The following PEX1 variants were observed in gnomAD, a reference collection of about 807,000 sequenced individuals.
PEX1 encodes the protein peroxisomal ATPase PEX1.
A neutral mutation model predicts 152.5 loss-of-function variants in PEX1; 97 were observed. The ratio of observed to expected loss-of-function variants is 0.64; its 90% CI spans 0.54 to 0.75. The LOEUF (loss-of-function observed/expected upper bound fraction) is 0.75, where lower values mean the gene tolerates loss of function less well. PEX1 is among the 30% of genes least tolerant of loss of function. The pLI, the probability that PEX1 is intolerant of heterozygous loss-of-function variation, is 0.00. For missense variants in PEX1, 1,357 were observed against 1,516.3 expected (o/e 0.89, Z 1.74); for synonymous variants, 485 against 531.6 (o/e 0.91, Z 1.21).
At chr7:92,524,418 C>T (rs775695536) in intron 1 of PEX1, among the ~76,000 whole-genome samples, 55 of 152,108 alleles carry the variant, frequency 3.6e-4, no homozygotes, top group Admixed American at 3.3e-4. Flanking sequence ...CAGGCCCCCA[C>T]CAAATGCCCG....
rs1271298228 is a variant in PEX1 at position 92,517,859 on chromosome 7, T to C, written c.656A>G (p.Gln219Arg). 1 of 1,541,940 alleles carries C rather than the reference T, an allele frequency of 6.5e-7. No individual in the cohort carries two copies. The highest frequency in any genetic ancestry group is 1.3e-5 in the South Asian group (1 of 76,334). The change falls in exon 5 of 24, where the codon CAG (glutamine) becomes CGG (arginine). Residue 219 changes from glutamine (Q) to arginine (R), a missense_variant. Coordinates refer to ENST00000248633, the MANE Select transcript of PEX1 (RefSeq NM_000466.3). ...MMKELQTKQL[Q>R]SNTVGITESN... The stretch of plus-strand genomic sequence containing the variant: ...TTCAGTGATTCCCACAGTATTTGAC[T>C]GAAGTTGCTTGGTTTGAAGTTCTTT...
At position 92,501,612 on chromosome 7, in the gene PEX1, C is replaced by CAAAGACGCAGGAAG. The variant is rs1463323645; in HGVS notation, c.2464_2477dup (p.Leu826PhefsTer70). ...TAGGTTTATGCAGGTTGACACTTCG[C>CAAAGACGCAGGAAG]AAAGACGCAGGAAGAAATCCGCGGA... On this transcript the variant is annotated frameshift_variant, in exon 15 of 24. Coordinates refer to ENST00000248633, the MANE Select transcript of PEX1 (RefSeq NM_000466.3). LOFTEE classifies it high-confidence loss of function. 5.6e-6 allele frequency: 9 copies of CAAAGACGCAGGAAG among 1,613,880 alleles called. No individual in the cohort carries two copies. The highest frequency in any genetic ancestry group is 7.6e-6 in the Non-Finnish European group (9 of 1,179,878).
chr7:92,487,957 T>C (rs140206736), intron 23 of PEX1, among the ~76,000 whole-genome samples: 18 of 152,272 alleles, frequency 1.2e-4, no homozygotes, highest in African/African-American at 3.8e-4. Context: ...CCTTAAAAAA[T>C]GTGAGCTCCC....
chr7:92,522,496 C>A (rs1276797070), intron 1 of PEX1, among the ~76,000 whole-genome samples: 2 of 152,150 alleles, frequency 1.3e-5, no homozygotes, highest in African/African-American at 4.8e-5. Context: ...CTTCAGAATT[C>A]AAAATGGCAG....
intron 21 of PEX1, among the ~76,000 whole-genome samples, chr7:92,490,611 G>T (rs1791243706): frequency 7.2e-6 from 1 of 139,660 alleles, no homozygotes; most frequent in Non-Finnish European, 1.5e-5. Flanking sequence ...CTCTAGTCTG[G>T]ATGATAGAGT....
intron 1 of PEX1, among the ~76,000 whole-genome samples, chr7:92,524,783 G>C (rs1346947297): frequency 2.0e-5 from 3 of 152,070 alleles, no homozygotes; most frequent in Non-Finnish European, 4.4e-5. Flanking sequence ...GCCTAGATTT[G>C]GAATCAAAAG....
At chr7:92,498,680 T>C (rs1278278852) in intron 16 of PEX1, among the ~76,000 whole-genome samples, 1 of 152,096 alleles carries the variant, frequency 6.6e-6, no homozygotes, top group African/African-American at 2.4e-5. Context: ...ACACCAGTGG[T>C]GGACTGTGAA....
At chr7:92,512,641 C>T (rs1045596326) in intron 6 of PEX1, among the ~76,000 whole-genome samples, 4 of 151,440 alleles carry the variant, frequency 2.6e-5, no homozygotes, top group African/African-American at 9.7e-5. Context: ...ACAGGATTAG[C>T]ACCACGCCCC....
chr7:92,500,594 T>C (rs1791880241), intron 15 of PEX1, among the ~76,000 whole-genome samples: 2 of 152,238 alleles, frequency 1.3e-5, no homozygotes, highest in South Asian at 4.1e-4. Context: ...CCATGTTCTC[T>C]CACACTGGTT....
intron 16 of PEX1, among the ~76,000 whole-genome samples, chr7:92,497,141 G>C (rs1284546102): frequency 6.6e-6 from 1 of 152,094 alleles, no homozygotes; most frequent in South Asian, 2.1e-4. Context: ...ACCACCATCT[G>C]ACAGTGAATT....
chr7:92,522,346 TTCTATAGATAGTTC>T, intron 1 of PEX1, 101 bp from the exon 2 acceptor site: 2 of 1,141,964 alleles, frequency 1.8e-6, no homozygotes, highest in East Asian at 4.8e-5. Context: ...CCAAAAAGAG[TTCTATAGATAGTTC>T]TCTGTTATCT....
chr7:92,491,325 A>G lies in PEX1; in HGVS notation c.3385T>C (p.Tyr1129His). The G allele has an allele frequency of 6.2e-7, 1 of 1,614,066 alleles. No homozygotes were observed. The highest frequency in any genetic ancestry group is 1.6e-4 in the Middle Eastern group (1 of 6,062). The part of the protein sequence containing the change: ...DESKFNMYRL[Y>H]FGSSYESELG... The stretch of plus-strand genomic sequence containing the variant: ...TCTGATTCATAAGAGCTTCCAAAGT[A>G]GAGCCGGTACATATTGAATTTTGAT... The change falls in exon 21 of 24, where the codon TAC becomes CAC. Residue 1129 changes from tyrosine to histidine, a missense_variant. By Grantham distance (83) the Tyr-to-His change is moderately conservative. Coordinates refer to ENST00000248633, the MANE Select transcript of PEX1 (RefSeq NM_000466.3).
intron 12 of PEX1, 68 bp from the exon 13 acceptor site, chr7:92,503,263 A>G: frequency 7.6e-7 from 1 of 1,318,700 alleles, no homozygotes; most frequent in South Asian, 1.2e-5. Flanking sequence ...TTATACATTC[A>G]TTAAAAATAA....
intron 1 of PEX1, among the ~76,000 whole-genome samples, chr7:92,522,631 T>C (rs536570682): frequency 1.6e-4 from 24 of 152,216 alleles, no homozygotes; most frequent in Non-Finnish European, 2.5e-4. Flanking sequence ...TTTTCTATGA[T>C]AGTGAACACT....
chr7:92,487,276 C>T lies in PEX1; in HGVS notation c.*181G>A, dbSNP rs1790970751. ...ATCTGTTATAATGTCCCAATTTATA[C>T]TACAGTATTAATCTCAATCCTGATC... On this transcript the variant is annotated 3_prime_UTR_variant, in exon 24 of 24. Transcript: ENST00000248633. The T allele has an allele frequency of 7.0e-6, 3 of 430,898 alleles. No individual in the cohort carries two copies. The highest frequency in any genetic ancestry group is 4.9e-5 in the South Asian group (1 of 20,524). 26.7% of individuals were successfully genotyped at this position (430,898 alleles called of 1,614,324 possible).
chr7:92,507,236 A>AT, intron 9 of PEX1, 110 bp from the exon 10 acceptor site: 2 of 932,136 alleles, frequency 2.1e-6, no homozygotes, highest in Non-Finnish European at 3.2e-6. Context: ...ATTTAATTTA[A>AT]TTTTTTATCT....
chr7:92,501,398 C>T (rs553443904), intron 15 of PEX1, 109 bp downstream of exon 15: 12 of 824,248 alleles, frequency 1.5e-5, no homozygotes, highest in African/African-American at 8.4e-5. Context: ...ACTCAGTAAA[C>T]ACTTGTTGAC....
rs563193782 is a variant in PEX1, at chr7:92,522,358, T to C, written c.130-113A>G. 669 of 987,062 alleles carry C rather than the reference T, an allele frequency of 6.8e-4. 13 individuals carry two copies. In the South Asian group the frequency reaches 9.2e-3, roughly 14 times the overall value. 61.1% of individuals were successfully genotyped at this position (987,062 alleles called of 1,614,324 possible). On this transcript the variant is annotated intron_variant, in intron 1 of 23. Coordinates refer to ENST00000248633, the MANE Select transcript of PEX1 (RefSeq NM_000466.3). ...TGTCCAAAAAGAGTTCTATAGATAGTTCTCTGTTATCTACATTTGTTGTAG... is the reference window on the plus strand; with the variant it reads ...TGTCCAAAAAGAGTTCTATAGATAGCTCTCTGTTATCTACATTTGTTGTAG...
chr7:92,522,288 A>G, intron 1 of PEX1, 43 bp from the exon 2 acceptor site: 1 of 1,579,116 alleles, frequency 6.3e-7, no homozygotes, highest in Non-Finnish European at 8.7e-7. Context: ...TTTCGTATAC[A>G]TTTTTCTGGA....
Sources: allele counts gnomAD v4.1 joint callset (sites outside exome capture counted in the v4.1 genomes callset), GRCh38; gene constraint gnomAD v4.1.1; transcripts MANE v1.5; gene names NCBI Gene and HGNC (gene_info 2026-07-23, HGNC 2026-07-21).